The following SYK variants were observed in gnomAD, a reference collection of about 807,000 sequenced individuals.
SYK encodes the protein spleen associated tyrosine kinase.
In SYK, 16 loss-of-function variants were observed where a neutral mutation model predicts 77.8. The observed-to-expected ratio is 0.21, with a 90% CI of 0.14 to 0.31. SYK has a LOEUF of 0.31. Among genes scored for constraint, SYK ranks in the 10% least tolerant of loss-of-function variants. The probability of loss-of-function intolerance (pLI) is 1.00; values close to 1 mark genes in which losing one functional copy is unlikely to be tolerated. For missense variants in SYK, 529 were observed against 814.4 expected (o/e 0.65, Z 4.26); for synonymous variants, 312 against 308.7 (o/e 1.01, Z -0.11).
chr9:90,864,662 C>T lies in SYK; in HGVS notation c.791C>T (p.Thr264Ile). The part of the protein sequence containing the change: ...VLTVPCQKIG[T>I]QGNVNFGGRP... ...ACTGTCCCATGTCAAAAAATCGGCA[C>T]ACAGGGTGAGTTCCCAAGACACTGG... is the stretch of plus-strand genomic sequence containing the variant. Residue 264 changes from threonine (T) to isoleucine (I), a missense_variant, in exon 5 of 14, where the codon ACA (threonine) becomes ATA (isoleucine). By Grantham distance (89) the Thr-to-Ile change is moderately conservative (BLOSUM62 -1). This residue lies in a region of SYK where 321 missense variants were observed against 433.1 expected (regional missense o/e 0.74). Coordinates refer to ENST00000375754, the MANE Select transcript of SYK (RefSeq NM_003177.7). 1.2e-6 allele frequency: 2 copies of T among 1,613,918 alleles called. No individual in the cohort carries two copies. The highest frequency in any genetic ancestry group is 1.3e-5 in the African/African-American group (1 of 75,028).
intron 5 of SYK, 52 bp downstream of exon 5, chr9:90,864,719 A>C: frequency 6.5e-7 from 1 of 1,538,776 alleles, no homozygotes; most frequent in South Asian, 1.1e-5. Context: ...AGTGACAATC[A>C]GCCTCATTTT....
At chr9:90,885,156 A>G (rs1828515151) in intron 11 of SYK, among the ~76,000 whole-genome samples, 1 of 151,872 alleles carries the variant, frequency 6.6e-6, no homozygotes, top group South Asian at 2.1e-4. Flanking sequence ...GGAACACACA[A>G]TTCTCCAGCA....
At chr9:90,883,636 G>A (rs1828243510) in intron 11 of SYK, among the ~76,000 whole-genome samples, 2 of 152,006 alleles carry the variant, frequency 1.3e-5, no homozygotes, top group Admixed American at 6.5e-5. Context: ...GCACCACCAG[G>A]GAGCCTGAGC....
intron 1 of SYK, among the ~76,000 whole-genome samples, chr9:90,813,849 C>T (rs561048229): frequency 2.6e-5 from 4 of 152,302 alleles, no homozygotes; most frequent in South Asian, 2.1e-4. Context: ...GTTTAGGGCT[C>T]TGCTGGGTTT....
intron 3 of SYK, among the ~76,000 whole-genome samples, chr9:90,855,250 C>T (rs1260306644): frequency 6.6e-6 from 1 of 152,180 alleles, no homozygotes; most frequent in East Asian, 1.9e-4. Flanking sequence ...TTCCCTTATA[C>T]TGAGTCCCAC....
chr9:90,830,732 C>T (rs928732954), intron 1 of SYK, among the ~76,000 whole-genome samples: 3 of 151,900 alleles, frequency 2.0e-5, no homozygotes, highest in Non-Finnish European at 4.4e-5. Context: ...ACTACAGGCG[C>T]CCACCACCAC....
chr9:90,895,886 C>G lies in SYK; in HGVS notation c.*286C>G, dbSNP rs1307452659. On this transcript the variant is annotated 3_prime_UTR_variant, in exon 14 of 14. Coordinates refer to ENST00000375754, the MANE Select transcript of SYK (RefSeq NM_003177.7). This position sits in a 1 kb window ranked among gnomAD's most constrained non-coding sequence, Gnocchi z 4.4. ...TACAGGTTATTTTTACGATCTGTTT[C>G]CAAATCCCTTTCATGTCTTTCCACT... 1 of 420,130 alleles carries G rather than the reference C, an allele frequency of 2.4e-6. No homozygotes were observed. Among genetic ancestry groups the G allele is most frequent in the Admixed American group, 3.7e-5 (1 of 27,396 alleles). The allele number at this position is 420,130 out of a possible 1,614,324, so 26.0% of individuals were successfully genotyped here.
intron 3 of SYK, among the ~76,000 whole-genome samples, chr9:90,852,251 A>G (rs1232447062): frequency 6.6e-6 from 1 of 152,216 alleles, no homozygotes; most frequent in Non-Finnish European, 1.5e-5. Flanking sequence ...GGCTGTGACT[A>G]AAATATCTTT....
chr9:90,873,174 G>A (rs1329880864), intron 7 of SYK, among the ~76,000 whole-genome samples: 2 of 152,148 alleles, frequency 1.3e-5, no homozygotes, highest in Non-Finnish European at 2.9e-5. Context: ...TATGAATAAG[G>A]CACATGAGGA....
At chr9:90,887,103 T>C (rs1202483201) in intron 11 of SYK, among the ~76,000 whole-genome samples, 4 of 152,218 alleles carry the variant, frequency 2.6e-5, no homozygotes, top group African/African-American at 9.6e-5. Context: ...ATGAAGAGGA[T>C]ATTTCCTGTC....
intron 7 of SYK, among the ~76,000 whole-genome samples, chr9:90,872,853 T>C (rs1827782264): frequency 6.6e-6 from 1 of 152,258 alleles, no homozygotes; most frequent in Admixed American, 6.5e-5. Context: ...AGTGAATAAA[T>C]GTCTCCCCCT....
intron 1 of SYK, among the ~76,000 whole-genome samples, chr9:90,808,767 T>G (rs548238255): frequency 5.3e-5 from 8 of 152,184 alleles, no homozygotes; most frequent in Admixed American, 3.3e-4. Flanking sequence ...CTCCCTCAGG[T>G]CTCTGTCGCT....
At position 90,898,411 on chromosome 9, in the gene SYK, T is replaced by C. The variant is rs1242765007; in HGVS notation, c.*2811T>C. 2 of 226,330 alleles carry C rather than the reference T, an allele frequency of 8.8e-6. No individual in the cohort carries two copies. The highest frequency in any genetic ancestry group is 1.1e-4 in the Admixed American group (2 of 17,504). The allele number at this position is 226,330 out of a possible 1,614,324, so 14.0% of individuals were successfully genotyped here. A position where few individuals can be genotyped will look rare whatever the true frequency, so the allele number is the denominator to read the frequency against. ...TTCACTTGCAGAGGCTACAGCTGCA[T>C]TGTCAGGTCTCCCAGCCCTGCAGAG... On this transcript the variant is annotated 3_prime_UTR_variant, in exon 14 of 14. Coordinates refer to ENST00000375754, the MANE Select transcript of SYK (RefSeq NM_003177.7).
intron 1 of SYK, among the ~76,000 whole-genome samples, chr9:90,828,931 T>A (rs1367621466): frequency 2.6e-5 from 4 of 152,156 alleles, no homozygotes; most frequent in African/African-American, 9.7e-5. Flanking sequence ...TGTCACACTG[T>A]AGCACTTGAA....
At chr9:90,852,436 G>C (rs1462990971) in intron 3 of SYK, among the ~76,000 whole-genome samples, 1 of 152,168 alleles carries the variant, frequency 6.6e-6, no homozygotes, top group Admixed American at 6.5e-5. Context: ...AAATGTAATG[G>C]GATGTGGCCT....
In SYK at chr9:90,857,583, T is replaced by C. The variant is rs1039143285; in HGVS notation, c.579-4623T>C. Among the ~76,000 whole-genome samples the C allele has an allele frequency of 3.3e-5, 5 of 152,362 alleles. No individual in the cohort carries two copies. The South Asian group carries it at 1.0e-3, about 32-fold the overall frequency. On this transcript the variant is annotated intron_variant, in intron 3 of 13. Transcript: ENST00000375754. ...GTGGAATGCACATGTGCCTCAGTAG[T>C]GCTATGGCGCAAGGCAGAAGCACTC... is the stretch of plus-strand genomic sequence containing the variant.
At chr9:90,881,742 C>T (rs969346577) in intron 11 of SYK, among the ~76,000 whole-genome samples, 2 of 150,664 alleles carry the variant, frequency 1.3e-5, no homozygotes, top group African/African-American at 2.4e-5. Context: ...TGGAAGCAAA[C>T]GAACGCTGGC....
rs568117306 is a variant in SYK at position 90,813,433 on chromosome 9, C to A, written c.-42+11540C>A. On this transcript the variant is annotated intron_variant, in intron 1 of 13. Coordinates refer to ENST00000375754, the MANE Select transcript of SYK (RefSeq NM_003177.7). ...TAGAATTGTGGCTTAGACCTGTAAA[C>A]ATCCAGTTCCAAGAAGTGGCTCTAA... 1.1e-3 allele frequency among the ~76,000 whole-genome samples: 160 copies of A among 148,870 alleles called. 2 individuals carry two copies. The highest frequency in any genetic ancestry group is 3.3e-4 in the Non-Finnish European group (22 of 66,552).
Position 90,853,422 on chromosome 9 carries a change from G to A in SYK, c.578+7828G>A, listed in dbSNP as rs139216324. ...TGCTGCTATAAAGACACATGCACAC[G>A]TATGTTTATTGCGGCACTATTCACA... is the stretch of plus-strand genomic sequence containing the variant. On this transcript the variant is annotated intron_variant, in intron 3 of 13. Transcript: ENST00000375754. Among the ~76,000 whole-genome samples the A allele has an allele frequency of 7.4e-3, 1,126 of 151,728 alleles. 11 individuals carry two copies. Among genetic ancestry groups the A allele is most frequent in the Non-Finnish European group, 0.011 (773 of 67,958 alleles).
Sources: allele counts gnomAD v4.1 joint callset (sites outside exome capture counted in the v4.1 genomes callset), GRCh38; gene constraint gnomAD v4.1.1; regional missense constraint gnomAD v4.1.1; non-coding constraint Gnocchi (gnomAD v3.1); transcripts MANE v1.5; gene names NCBI Gene and HGNC (gene_info 2026-07-23, HGNC 2026-07-21).